LONP2: variants seen among roughly 807,000 people sequenced by gnomAD.
The protein encoded by LONP2 is lon protease homolog 2, peroxisomal.
A neutral mutation model predicts 85.6 loss-of-function variants in LONP2; 60 were observed. That is an observed-to-expected ratio of 0.70 (90% CI 0.57 to 0.87). The LOEUF (loss-of-function observed/expected upper bound fraction) is 0.87, where lower values mean the gene tolerates loss of function less well. LONP2 is among the 40% of genes least tolerant of loss of function. LONP2 has a pLI of 0.00. For missense variants in LONP2, 860 were observed against 1,063.5 expected (o/e 0.81, Z 2.66); for synonymous variants, 395 against 389.7 (o/e 1.01, Z -0.16).
intron 3 of LONP2, among the ~76,000 whole-genome samples, chr16:48,258,113 C>T (rs1285090867): frequency 6.6e-6 from 1 of 152,080 alleles, no homozygotes; most frequent in South Asian, 2.1e-4. Flanking sequence ...TTTGGGAGGC[C>T]GAGGTGGGAA....
intron 6 of LONP2, among the ~76,000 whole-genome samples, chr16:48,269,039 G>A (rs1258714831): frequency 1.3e-5 from 2 of 152,068 alleles, no homozygotes; most frequent in Non-Finnish European, 2.9e-5. Context: ...ATTCATTTTG[G>A]CTTCTGTTAC....
At chr16:48,244,988 A>T (rs1278261980) in intron 1 of LONP2, among the ~76,000 whole-genome samples, 2 of 151,832 alleles carry the variant, frequency 1.3e-5, no homozygotes, top group African/African-American at 4.8e-5. Context: ...CTCTGCCTTC[A>T]CTTGCCTTCG....
At chr16:48,297,844 C>T (rs1020634183) in intron 9 of LONP2, among the ~76,000 whole-genome samples, 4 of 151,946 alleles carry the variant, frequency 2.6e-5, no homozygotes, top group South Asian at 2.1e-4. Context: ...GGACTACAGG[C>T]GTGCACCACC....
At chr16:48,288,011 A>G (rs561937777) in intron 8 of LONP2, among the ~76,000 whole-genome samples, 5 of 152,178 alleles carry the variant, frequency 3.3e-5, no homozygotes, top group Admixed American at 6.5e-5. Flanking sequence ...TTCAGATGAA[A>G]TATATCTTCA....
chr16:48,326,406 G>A (rs943703783), intron 11 of LONP2, among the ~76,000 whole-genome samples: 2 of 152,156 alleles, frequency 1.3e-5, no homozygotes, highest in African/African-American at 4.8e-5. Flanking sequence ...TGGAAGAAGG[G>A]GTTCCTGTTA....
At chr16:48,255,011 A>G (rs1432769983) in intron 2 of LONP2, among the ~76,000 whole-genome samples, 2 of 152,220 alleles carry the variant, frequency 1.3e-5, no homozygotes, top group Non-Finnish European at 2.9e-5. Flanking sequence ...CAGGTAATGG[A>G]TAAGTTCCAA....
chr16:48,348,029 A>T (rs1960022748), intron 13 of LONP2, 71 bp from the exon 14 acceptor site: 1 of 1,373,862 alleles, frequency 7.3e-7, no homozygotes, highest in African/African-American at 1.5e-5. Flanking sequence ...TTTGTTTGTG[A>T]CTTTTTTTTT....
chr16:48,259,087 T>C (rs547119233), intron 4 of LONP2, among the ~76,000 whole-genome samples: 117 of 152,212 alleles, frequency 7.7e-4, no homozygotes, highest in Non-Finnish European at 1.4e-3. Flanking sequence ...ACAAAACTCT[T>C]TCTTAAAAGG....
intron 12 of LONP2, among the ~76,000 whole-genome samples, chr16:48,339,752 A>G (rs1959761839): frequency 6.6e-6 from 1 of 152,204 alleles, no homozygotes; most frequent in East Asian, 1.9e-4. Context: ...GAAAGGGACA[A>G]GAATATTGAG....
chr16:48,333,976 CAATAAGCAAGTAAAAGT>C (rs1431402876), intron 11 of LONP2, among the ~76,000 whole-genome samples: 1 of 152,156 alleles, frequency 6.6e-6, no homozygotes, highest in Non-Finnish European at 1.5e-5. Context: ...GGGAGATAGA[CAATAAGCAAGTAAAAGT>C]AATTGAACAA....
intron 11 of LONP2, among the ~76,000 whole-genome samples, chr16:48,312,810 G>T (rs906167898): frequency 6.6e-6 from 1 of 152,178 alleles, no homozygotes. Context: ...CTGCAATAGT[G>T]GCAGTAGGGT....
intron 11 of LONP2, among the ~76,000 whole-genome samples, chr16:48,310,300 G>A (rs1973003353): frequency 6.6e-6 from 1 of 151,464 alleles, no homozygotes; most frequent in Non-Finnish European, 1.5e-5. Flanking sequence ...GATGCATGAG[G>A]TTTTGTTCCA....
At chr16:48,255,415 C>T (rs997200378) in intron 2 of LONP2, among the ~76,000 whole-genome samples, 4 of 152,240 alleles carry the variant, frequency 2.6e-5, no homozygotes, top group Non-Finnish European at 2.9e-5. Flanking sequence ...TTAGTATATT[C>T]GAAGGAAGTT....
intron 8 of LONP2, among the ~76,000 whole-genome samples, chr16:48,292,717 C>G (rs1344061035): frequency 6.6e-6 from 1 of 152,202 alleles, no homozygotes; most frequent in African/African-American, 2.4e-5. Flanking sequence ...AAAGCAAACA[C>G]CAAGCTGTAA....
rs111992035 is a variant in LONP2, at chr16:48,293,926, AG to A, written c.1384-2088del. 6.5e-3 allele frequency among the ~76,000 whole-genome samples: 987 copies of A among 152,258 alleles called. 10 individuals carry two copies. Among genetic ancestry groups the A allele is most frequent in the African/African-American group, 0.023 (938 of 41,536 alleles). ...ACATAAACATTTTCCGTACCTAAAC[AG>A]TTTGTTTGTTCATTTGTTTGTTAGT... On this transcript the variant is annotated intron_variant, in intron 8 of 14. Transcript: ENST00000285737.
intron 8 of LONP2, among the ~76,000 whole-genome samples, chr16:48,282,613 T>C (rs1391720442): frequency 6.6e-6 from 1 of 152,144 alleles, no homozygotes; most frequent in Non-Finnish European, 1.5e-5. Flanking sequence ...GTGATTGTTT[T>C]GGGGCACCAC....
intron 6 of LONP2, among the ~76,000 whole-genome samples, chr16:48,266,045 C>T: frequency 6.6e-6 from 1 of 151,970 alleles, no homozygotes; most frequent in Non-Finnish European, 1.5e-5. Context: ...CTCTTGTCGC[C>T]CAGGCTGGAG....
intron 11 of LONP2, among the ~76,000 whole-genome samples, chr16:48,304,034 C>A (rs1276067197): frequency 1.3e-5 from 2 of 152,294 alleles, no homozygotes; most frequent in Non-Finnish European, 1.5e-5. Context: ...CACACTGGAA[C>A]AATACTTTGC....
chr16:48,309,139 A>G (rs922540170), intron 11 of LONP2, among the ~76,000 whole-genome samples: 1 of 152,162 alleles, frequency 6.6e-6, no homozygotes, highest in African/African-American at 2.4e-5. Context: ...TAGAAAGTCA[A>G]AAGTAACAGA....
Sources: gnomAD v4.1 joint callset for allele counts (sites outside exome capture counted in the v4.1 genomes callset) on GRCh38, gnomAD v4.1.1 for gene constraint, MANE v1.5 for transcripts, NCBI Gene and HGNC (gene_info 2026-07-23, HGNC 2026-07-21) for gene names.